STK33: variants seen among roughly 807,000 people sequenced by gnomAD.
The protein encoded by STK33 is serine/threonine-protein kinase 33.
STK33 carries 52 observed loss-of-function variants against 58.0 expected under a neutral mutation model. The ratio of observed to expected loss-of-function variants is 0.90; its 90% CI spans 0.72 to 1.13. STK33 has a LOEUF of 1.13. Among genes scored for constraint, STK33 ranks in the 50% most tolerant of loss-of-function variants. The pLI, the probability that STK33 is intolerant of heterozygous loss-of-function variation, is 0.00. For missense variants in STK33, 630 were observed against 604.2 expected, an observed-to-expected ratio of 1.04 and a Z score of -0.45; for synonymous variants, 215 against 200.1, an observed-to-expected ratio of 1.07 and a Z score of -0.63.
chr11:8,503,068 C>T (rs1197522205), intron 1 of STK33, among the ~76,000 whole-genome samples: 9 of 151,690 alleles, frequency 5.9e-5, no homozygotes, highest in Admixed American at 1.3e-4. Flanking sequence ...AGCAGTTTGA[C>T]GACTTCTCAA....
At chr11:8,541,778 C>G (rs1291901514) in intron 1 of STK33, among the ~76,000 whole-genome samples, 1 of 152,140 alleles carries the variant, frequency 6.6e-6, no homozygotes, top group East Asian at 1.9e-4. Flanking sequence ...AGCAAAATAT[C>G]TGAAAAATTA....
At chr11:8,399,647 A>G (rs1485381136) in intron 15 of STK33, among the ~76,000 whole-genome samples, 2 of 152,190 alleles carry the variant, frequency 1.3e-5, no homozygotes, top group African/African-American at 4.8e-5. Flanking sequence ...AAGATACACA[A>G]AAAAACCCTT....
At chr11:8,583,184 G>A (rs1229225716) in intron 1 of STK33, among the ~76,000 whole-genome samples, 2 of 152,136 alleles carry the variant, frequency 1.3e-5, no homozygotes, top group African/African-American at 4.8e-5. Flanking sequence ...TTTCAGATAT[G>A]AAGAAAATGA....
At chr11:8,410,411 A>C (rs1424118426) in intron 15 of STK33, among the ~76,000 whole-genome samples, 1 of 152,024 alleles carries the variant, frequency 6.6e-6, no homozygotes, top group African/African-American at 2.4e-5. Flanking sequence ...CTAGGTTTTC[A>C]GTCAAGGAAA....
At chr11:8,410,009 T>A (rs889055953) in intron 15 of STK33, among the ~76,000 whole-genome samples, 2 of 152,166 alleles carry the variant, frequency 1.3e-5, no homozygotes, top group African/African-American at 2.4e-5. Flanking sequence ...TTTTAAGGGC[T>A]GTGCTTGGGT....
At chr11:8,398,170 A>G (rs1771903972) in intron 15 of STK33, among the ~76,000 whole-genome samples, 1 of 152,218 alleles carries the variant, frequency 6.6e-6, no homozygotes, top group Non-Finnish European at 1.5e-5. Flanking sequence ...CAGATTCACC[A>G]AAGTTGAAAT....
At chr11:8,537,164 G>C (rs1393180102) in intron 1 of STK33, among the ~76,000 whole-genome samples, 1 of 151,268 alleles carries the variant, frequency 6.6e-6, no homozygotes, top group Non-Finnish European at 1.5e-5. Context: ...ATTTTTAGTA[G>C]AGATGGGGTT....
intron 14 of STK33, among the ~76,000 whole-genome samples, chr11:8,429,244 C>T (rs1392122746): frequency 3.9e-5 from 6 of 152,096 alleles, no homozygotes; most frequent in African/African-American, 1.4e-4. Context: ...ATACCCCTTG[C>T]AATTAATTAC....
At chr11:8,554,509 C>T (rs1200942406) in intron 1 of STK33, among the ~76,000 whole-genome samples, 2 of 151,234 alleles carry the variant, frequency 1.3e-5, no homozygotes, top group Non-Finnish European at 2.9e-5. Context: ...AAACAATGTT[C>T]AATATCACTA....
chr11:8,364,217 C>T, the STK33 span, among the ~76,000 whole-genome samples: 4 of 152,218 alleles, frequency 2.6e-5, no homozygotes, highest in African/African-American at 9.6e-5. Flanking sequence ...GTGGCGACGT[C>T]GTCGGTGGAC....
chr11:8,406,519 C>CA (rs1348354002), intron 15 of STK33, among the ~76,000 whole-genome samples: 2 of 152,114 alleles, frequency 1.3e-5, no homozygotes, highest in Non-Finnish European at 2.9e-5. Flanking sequence ...TATATCTCTC[C>CA]AACTATTTCA....
intron 15 of STK33, among the ~76,000 whole-genome samples, chr11:8,393,216 A>G (rs1220788822): frequency 6.6e-6 from 1 of 152,208 alleles, no homozygotes. Context: ...AGGCCTGTAG[A>G]CCTCTTTGAG....
chr11:8,496,999 T>C (rs557281362), intron 1 of STK33, among the ~76,000 whole-genome samples: 3 of 152,284 alleles, frequency 2.0e-5, no homozygotes, highest in African/African-American at 7.2e-5. Flanking sequence ...TTGCATAGCA[T>C]ACAAAATTAT....
At chr11:8,384,120 G>T in the STK33 span, among the ~76,000 whole-genome samples, 1 of 152,164 alleles carries the variant, frequency 6.6e-6, no homozygotes, top group East Asian at 1.9e-4. Flanking sequence ...AAAGTATTTA[G>T]AATAAGAAAA....
chr11:8,546,904 G>A (rs527551455), intron 1 of STK33, among the ~76,000 whole-genome samples: 3 of 152,200 alleles, frequency 2.0e-5, no homozygotes, highest in East Asian at 1.9e-4. Context: ...TGGGAATGCA[G>A]GTATCTCTTT....
intron 7 of STK33, among the ~76,000 whole-genome samples, chr11:8,462,842 C>A (rs950271861): frequency 6.6e-6 from 1 of 152,118 alleles, no homozygotes; most frequent in African/African-American, 2.4e-5. Flanking sequence ...CAAATCATCA[C>A]CCCTATTGAT....
chr11:8,540,718 C>T (rs1032961181), intron 1 of STK33, among the ~76,000 whole-genome samples: 2 of 151,998 alleles, frequency 1.3e-5, no homozygotes, highest in Non-Finnish European at 2.9e-5. Context: ...GAGCACAAAA[C>T]AGTAGCTACC....
chr11:8,370,478 C>G, the STK33 span, among the ~76,000 whole-genome samples: 1 of 152,136 alleles, frequency 6.6e-6, no homozygotes, highest in African/African-American at 2.4e-5. Flanking sequence ...ATTACAGGCA[C>G]GATCCACCCT....
intron 1 of STK33, among the ~76,000 whole-genome samples, chr11:8,504,499 A>G (rs1951733739): frequency 6.6e-6 from 1 of 152,148 alleles, no homozygotes; most frequent in Non-Finnish European, 1.5e-5. Flanking sequence ...ATTAAAAATT[A>G]AATTATAGGC....
Sources: allele counts gnomAD v4.1 joint callset (sites outside exome capture counted in the v4.1 genomes callset), GRCh38; gene constraint gnomAD v4.1.1; transcripts MANE v1.5; gene names NCBI Gene and HGNC (gene_info 2026-07-23, HGNC 2026-07-21).